CACNA1A: variants seen among roughly 807,000 people sequenced by gnomAD.
CACNA1A encodes the protein calcium voltage-gated channel subunit alpha1 A.
Under a neutral mutation model 262.4 loss-of-function variants are expected in CACNA1A, and 57 were observed. The ratio of observed to expected loss-of-function variants is 0.22; its 90% CI spans 0.18 to 0.27. The LOEUF is 0.27. Ranked by LOEUF, CACNA1A falls within the 10% of genes least tolerant of loss-of-function variation. The probability of loss-of-function intolerance (pLI) is 1.00; values close to 1 mark genes in which losing one functional copy is unlikely to be tolerated. For synonymous variants in CACNA1A, 1,431 were observed against 1,419.3 expected (o/e 1.01, Z -0.18); for missense variants, 2,526 against 3,562.8 (o/e 0.71, Z 7.41).
chr19:13,261,364 G>A (rs914209214), intron 26 of CACNA1A, 86 bp downstream of exon 26: 10 of 1,201,606 alleles, frequency 8.3e-6, no homozygotes, highest in African/African-American at 3.0e-5. Flanking sequence ...TCCAGTCTCT[G>A]AGCCCAAGTG....
chr19:13,449,036 G>A (rs546980730), intron 3 of CACNA1A, among the ~76,000 whole-genome samples: 15 of 150,558 alleles, frequency 1.0e-4, no homozygotes, highest in Admixed American at 2.7e-4. Flanking sequence ...GTGCAATCAC[G>A]GATCACTGCA....
At chr19:13,274,632 A>G (rs1258708206) in intron 24 of CACNA1A, 1 of 152,246 alleles carries the variant, frequency 6.6e-6, no homozygotes, top group Non-Finnish European at 1.5e-5. Context: ...TGTACTGCTA[A>G]GTCTGCTATC....
intron 19 of CACNA1A, among the ~76,000 whole-genome samples, chr19:13,298,133 C>CTT (rs3050873): frequency 0.18 from 20,450 of 112,902 alleles, 1,999 homozygotes; most frequent in African/African-American, 0.24. Context: ...AAATACAGCA[C>CTT]TTTTTTTTTT....
At chr19:13,235,884 A>G (rs1434290062) in intron 31 of CACNA1A, 154 bp from the exon 32 acceptor site, 1 of 589,908 alleles carries the variant, frequency 1.7e-6, no homozygotes, top group East Asian at 2.8e-5. Context: ...TATTAATGCA[A>G]TGATGCAGAG....
chr19:13,219,366 T>G (rs1197381714), intron 38 of CACNA1A, among the ~76,000 whole-genome samples: 1 of 152,166 alleles, frequency 6.6e-6, no homozygotes, highest in Non-Finnish European at 1.5e-5. Context: ...ATCTATATTC[T>G]TTCACTGTAA....
intron 29 of CACNA1A, among the ~76,000 whole-genome samples, chr19:13,254,498 G>A (rs1448927966): frequency 6.6e-6 from 1 of 151,990 alleles, no homozygotes; most frequent in Non-Finnish European, 1.5e-5. Context: ...GAGTAGCTGG[G>A]ATTACAGATG....
chr19:13,433,241 C>T (rs994804887), intron 3 of CACNA1A, among the ~76,000 whole-genome samples: 5 of 148,818 alleles, frequency 3.4e-5, no homozygotes, highest in East Asian at 2.0e-4. Flanking sequence ...TGCAGTGAGC[C>T]GAGATTGCGC....
chr19:13,350,883 C>T (rs1413688407), intron 6 of CACNA1A, among the ~76,000 whole-genome samples: 1 of 151,988 alleles, frequency 6.6e-6, no homozygotes, highest in Non-Finnish European at 1.5e-5. Flanking sequence ...GTGCTTACAG[C>T]CCTAGCTATT....
chr19:13,352,793 G>A (rs886776567), intron 6 of CACNA1A, among the ~76,000 whole-genome samples: 18 of 152,100 alleles, frequency 1.2e-4, no homozygotes, highest in South Asian at 2.1e-4. Context: ...TTCTTCTCTC[G>A]TGCAGCTTTC....
At chr19:13,296,201 C>T (rs2144939046) in intron 19 of CACNA1A, among the ~76,000 whole-genome samples, 1 of 152,300 alleles carries the variant, frequency 6.6e-6, no homozygotes, top group African/African-American at 2.4e-5. Flanking sequence ...GAGTCCTTAG[C>T]CCTACGGAAT....
In CACNA1A at chr19:13,371,282, G is replaced by T. The variant is rs2059318708; in HGVS notation, c.631+406C>A. 4.7e-5 allele frequency: 8 copies of T among 170,494 alleles called. No individual in the cohort carries two copies. The South Asian group carries it at 1.3e-3, about 27-fold the overall frequency. The allele number at this position is 170,494 out of a possible 1,614,324, so 10.6% of individuals were successfully genotyped here. ...ACCAGTGGTACGGCCCAGGCTTGGA[G>T]TCACACTTGCTCACTCCTAGTTCTG... On this transcript the variant is annotated intron_variant, in intron 4 of 46. Coordinates refer to ENST00000360228, the MANE Select transcript of CACNA1A (RefSeq NM_001127222.2).
At chr19:13,220,091 C>G (rs949455231) in intron 38 of CACNA1A, among the ~76,000 whole-genome samples, 4 of 151,962 alleles carry the variant, frequency 2.6e-5, no homozygotes, top group Non-Finnish European at 4.4e-5. Flanking sequence ...AACCCCATCT[C>G]TACTAAAAAT....
chr19:13,313,488 A>C (rs1054414787), intron 11 of CACNA1A, among the ~76,000 whole-genome samples: 8 of 142,080 alleles, frequency 5.6e-5, no homozygotes, highest in African/African-American at 2.2e-4. Flanking sequence ...TGACAGAGCA[A>C]GACCTTGTCT....
rs746345363 is a variant in CACNA1A at position 13,234,950 on chromosome 19, G to A, written c.5220C>T (p.Thr1740=). The part of the protein sequence containing the change: ...FQITEHNNFR[T]FFQALMLLFR... ...AGAGAAGCATGAGGGCCTGGAAGAAGGTCCGGAAGTTATTGTGCTCAGTGA... is the reference window on the plus strand; with the variant it reads ...AGAGAAGCATGAGGGCCTGGAAGAAAGTCCGGAAGTTATTGTGCTCAGTGA... The change falls in exon 34 of 47, where the codon ACC becomes ACT. Residue 1740 remains threonine, a synonymous_variant. Transcript: ENST00000360228. 1 of 1,613,518 alleles carries A rather than the reference G, an allele frequency of 6.2e-7. No homozygotes were observed.
chr19:13,316,617 A>G (rs899556794), intron 11 of CACNA1A: 1 of 152,442 alleles, frequency 6.6e-6, no homozygotes, highest in Admixed American at 6.5e-5. Flanking sequence ...GGAAAGAAGC[A>G]GAAGGTTTGA....
At chr19:13,450,441 G>GCCTGCCACACATCCCATCCCT (rs1188152533) in intron 3 of CACNA1A, 3 of 151,938 alleles carry the variant, frequency 2.0e-5, no homozygotes, top group Non-Finnish European at 2.9e-5. Context: ...CCTCACCCCT[G>GCCTGCCACACATCCCATCCCT]CCTGCCACAC....
intron 34 of CACNA1A, 100 bp from the exon 35 acceptor site, chr19:13,231,960 G>A: frequency 7.8e-7 from 1 of 1,283,520 alleles, no homozygotes. Context: ...CTTGGGCTCT[G>A]GAGCTGGCCA....
rs367840393 is a variant in CACNA1A at position 13,257,574 on chromosome 19, A to T, written c.4389-23T>A. 452 of 1,531,942 alleles carry T rather than the reference A, an allele frequency of 3.0e-4. 1 individual carries two copies. The highest frequency in any genetic ancestry group is 3.9e-4 in the Non-Finnish European group (440 of 1,127,024). The allele number at this position is 1,531,942 out of a possible 1,614,324, so 94.9% of individuals were successfully genotyped here. ...ACCCTGCAAGGAATGGGGCAGGGAG[A>T]GGGAAGGGGCAGGAAGGAGAGAGAC... On this transcript the variant is annotated intron_variant, in intron 27 of 46. Coordinates refer to ENST00000360228, the MANE Select transcript of CACNA1A (RefSeq NM_001127222.2).
At chr19:13,295,038 A>C (rs558812952) in intron 19 of CACNA1A, among the ~76,000 whole-genome samples, 1 of 152,066 alleles carries the variant, frequency 6.6e-6, no homozygotes, top group Non-Finnish European at 1.5e-5. Flanking sequence ...CCCTTCTCAG[A>C]TTGCTCCTCT....
Sources: allele counts gnomAD v4.1 joint callset (sites outside exome capture counted in the v4.1 genomes callset), GRCh38; gene constraint gnomAD v4.1.1; transcripts MANE v1.5; gene names NCBI Gene and HGNC (gene_info 2026-07-23, HGNC 2026-07-21).